CCDC171: variants seen among roughly 807,000 people sequenced by gnomAD.
CCDC171 encodes the protein coiled-coil domain containing 171.
Under a neutral mutation model 168.2 loss-of-function variants are expected in CCDC171, and 177 were observed. That is an observed-to-expected ratio of 1.05 (90% CI 0.93 to 1.19). The LOEUF (loss-of-function observed/expected upper bound fraction) is 1.19, where lower values mean the gene tolerates loss of function less well. Ranked by LOEUF, CCDC171 falls within the 50% of genes most tolerant of loss-of-function variation. The pLI, the probability that CCDC171 is intolerant of heterozygous loss-of-function variation, is 0.00. For synonymous variants in CCDC171, 687 were observed against 540.8 expected, an observed-to-expected ratio of 1.27 and a Z score of -3.75; for missense variants, 1,991 against 1,539.0, an observed-to-expected ratio of 1.29 and a Z score of -4.91.
At chr9:16,085,319 G>T in the CCDC171 span, among the ~76,000 whole-genome samples, 2 of 152,246 alleles carry the variant, frequency 1.3e-5, no homozygotes, top group African/African-American at 4.8e-5. Context: ...TTACGACACT[G>T]TTGGAAGGGC....
chr9:15,713,940 G>T (rs909452600), intron 11 of CCDC171, among the ~76,000 whole-genome samples: 1 of 151,686 alleles, frequency 6.6e-6, no homozygotes, highest in African/African-American at 2.4e-5. Flanking sequence ...TGCTGGTCCT[G>T]CTAGATGAAA....
At chr9:16,066,903 A>G in the CCDC171 span, among the ~76,000 whole-genome samples, 1 of 151,168 alleles carries the variant, frequency 6.6e-6, no homozygotes, top group African/African-American at 2.4e-5. Flanking sequence ...GCTATTGTGA[A>G]TAATGCCGCA....
chr9:15,787,026 G>A (rs1422704352), intron 21 of CCDC171, among the ~76,000 whole-genome samples: 2 of 152,064 alleles, frequency 1.3e-5, no homozygotes, highest in Non-Finnish European at 2.9e-5. Flanking sequence ...AGCCTGTTTA[G>A]GTGGTCTTCT....
intron 18 of CCDC171, among the ~76,000 whole-genome samples, chr9:15,770,956 A>T (rs1276894604): frequency 6.6e-6 from 1 of 152,150 alleles, no homozygotes; most frequent in Non-Finnish European, 1.5e-5. Context: ...GAATCATATA[A>T]TCATGCTTCA....
chr9:15,922,937 G>C (rs1435128214), intron 25 of CCDC171, among the ~76,000 whole-genome samples: 1 of 151,328 alleles, frequency 6.6e-6, no homozygotes, highest in Non-Finnish European at 1.5e-5. Flanking sequence ...TATTGTTAGA[G>C]GTCCTTACTT....
intron 24 of CCDC171, chr9:15,887,706 T>C (rs917570751): frequency 2.6e-5 from 4 of 152,064 alleles, no homozygotes; most frequent in African/African-American, 9.7e-5. Context: ...AAAATAAAAA[T>C]GAAAAATTAA....
At chr9:15,686,775 C>T (rs956773681) in intron 10 of CCDC171, among the ~76,000 whole-genome samples, 1 of 152,128 alleles carries the variant, frequency 6.6e-6, no homozygotes, top group Non-Finnish European at 1.5e-5. Flanking sequence ...CAAAACCTGA[C>T]ATAATTGAAG....
chr9:15,557,247 T>G (rs12336383), intron 1 of CCDC171, among the ~76,000 whole-genome samples: 3 of 151,992 alleles, frequency 2.0e-5, no homozygotes, highest in African/African-American at 7.3e-5. Context: ...TCCATATGAA[T>G]TTTAAAGTAG....
rs150643818 is a variant in CCDC171, at chr9:15,859,101, T to C, written c.3468+10154T>C. Among the ~76,000 whole-genome samples the C allele has an allele frequency of 6.6e-3, 1,005 of 152,188 alleles. 19 individuals carry two copies. Among genetic ancestry groups the C allele is most frequent in the African/African-American group, 0.023 (946 of 41,528 alleles). On this transcript the variant is annotated intron_variant, in intron 23 of 25. Coordinates refer to ENST00000380701, the MANE Select transcript of CCDC171 (RefSeq NM_173550.4). ...TGAGAATTTTTATCATGAAAGGCTA[T>C]TGAATTTTTATCAATTTTATCAAAT... is the stretch of plus-strand genomic sequence containing the variant.
chr9:15,637,744 T>C (rs1302064797), intron 7 of CCDC171, among the ~76,000 whole-genome samples: 1 of 151,574 alleles, frequency 6.6e-6, no homozygotes, highest in Non-Finnish European at 1.5e-5. Flanking sequence ...CTTGCGATAG[T>C]TTACTGAGAA....
intron 6 of CCDC171, among the ~76,000 whole-genome samples, chr9:15,601,862 T>G (rs1282742908): frequency 6.6e-6 from 1 of 152,226 alleles, no homozygotes; most frequent in Non-Finnish European, 1.5e-5. Flanking sequence ...ATTTATAAAA[T>G]ATAATTCAAA....
intron 25 of CCDC171, among the ~76,000 whole-genome samples, chr9:15,941,042 T>A (rs985043978): frequency 6.6e-6 from 1 of 151,942 alleles, no homozygotes; most frequent in Non-Finnish European, 1.5e-5. Context: ...ACTTTATTAT[T>A]ATTATTTCTG....
the CCDC171 span, among the ~76,000 whole-genome samples, chr9:16,082,758 A>T: frequency 4.4e-4 from 67 of 152,348 alleles, no homozygotes; most frequent in African/African-American, 1.6e-3. Context: ...TTCTTGAGTG[A>T]GAGACAAATC....
intron 25 of CCDC171, among the ~76,000 whole-genome samples, chr9:15,965,685 AG>A (rs1192166963): frequency 2.9e-5 from 2 of 67,882 alleles, no homozygotes; most frequent in African/African-American, 1.0e-4. Flanking sequence ...AGAGTGAAAA[AG>A]AGAAGGGAAG....
chr9:15,896,156 G>T lies in CCDC171; in HGVS notation c.3600+21493G>T, dbSNP rs139398371. Reference sequence around the variant, plus strand: ...AATAATCACCATCAATCTAGAAGCTGCATTTGCCCTTAGAATTAGCCTTGA... The same window carrying T: ...AATAATCACCATCAATCTAGAAGCTTCATTTGCCCTTAGAATTAGCCTTGA... On this transcript the variant is annotated intron_variant, in intron 24 of 25. Coordinates refer to ENST00000380701, the MANE Select transcript of CCDC171 (RefSeq NM_173550.4). Among the ~76,000 whole-genome samples, 15 of 152,034 alleles carry T rather than the reference G, an allele frequency of 9.9e-5. No individual in the cohort carries two copies. In the South Asian group the frequency reaches 2.7e-3, roughly 27 times the overall value.
At chr9:16,076,754 C>G in the CCDC171 span, among the ~76,000 whole-genome samples, 1 of 152,192 alleles carries the variant, frequency 6.6e-6, no homozygotes, top group South Asian at 2.1e-4. Context: ...TGTTGAAACC[C>G]TGACAAGTCC....
intron 7 of CCDC171, among the ~76,000 whole-genome samples, chr9:15,638,254 A>C (rs1324849211): frequency 6.6e-6 from 1 of 152,112 alleles, no homozygotes; most frequent in Non-Finnish European, 1.5e-5. Context: ...ATTCTTTTTA[A>C]AAGCTTTGCT....
intron 1 of CCDC171, among the ~76,000 whole-genome samples, chr9:15,556,322 T>G (rs1169590098): frequency 6.6e-6 from 1 of 152,174 alleles, no homozygotes; most frequent in Non-Finnish European, 1.5e-5. Context: ...CATACTGTCT[T>G]CCACAATGGT....
At chr9:15,725,124 C>G in intron 14 of CCDC171, 148 bp downstream of exon 14, 1 of 625,636 alleles carries the variant, frequency 1.6e-6, no homozygotes, top group East Asian at 2.8e-5. Context: ...CAAAATCACT[C>G]CATTACTCTT....
Sources: allele counts gnomAD v4.1 joint callset (sites outside exome capture counted in the v4.1 genomes callset), GRCh38; gene constraint gnomAD v4.1.1; transcripts MANE v1.5; gene names NCBI Gene and HGNC (gene_info 2026-07-23, HGNC 2026-07-21).